Variants in SNAPC3 observed in about 807,000 individuals in gnomAD.
SNAPC3 encodes the protein snRNA-activating protein complex subunit 3.
Under a neutral mutation model 47.7 loss-of-function variants are expected in SNAPC3, and 56 were observed. The ratio of observed to expected loss-of-function variants is 1.18; its 90% confidence interval spans 0.95 to 1.47. The LOEUF (loss-of-function observed/expected upper bound fraction) is 1.47, where lower values mean the gene tolerates loss of function less well. Ranked by LOEUF, SNAPC3 falls within the 40% of genes most tolerant of loss-of-function variation. The probability of loss-of-function intolerance (pLI) is 0.00; values close to 1 mark genes in which losing one functional copy is unlikely to be tolerated. For missense variants in SNAPC3, 665 were observed against 511.3 expected, an observed-to-expected ratio of 1.30 and a Z score of -2.90; for synonymous variants, 235 against 189.9, an observed-to-expected ratio of 1.24 and a Z score of -1.95.
chr9:15,439,779 C>T (rs890099943), intron 3 of SNAPC3, among the ~76,000 whole-genome samples: 1 of 152,188 alleles, frequency 6.6e-6, no homozygotes, highest in African/African-American at 2.4e-5. Flanking sequence ...AGTGATCCAC[C>T]TGCCTCAGTC....
Position 15,459,884 on chromosome 9 carries a change from A to G in SNAPC3, c.*18A>G. 2 of 1,596,894 alleles carry G rather than the reference A, an allele frequency of 1.3e-6. No homozygotes were observed. The highest frequency in any genetic ancestry group is 1.1e-5 in the South Asian group (1 of 88,610). On this transcript the variant is annotated 3_prime_UTR_variant, in exon 9 of 9. Transcript: ENST00000380821. ...TTAATTAAGAATAGCTACACTCACAAAAATACCCCCTCATGAAATAACTGT... is the reference window on the plus strand; with the variant it reads ...TTAATTAAGAATAGCTACACTCACAGAAATACCCCCTCATGAAATAACTGT...
intron 2 of SNAPC3, among the ~76,000 whole-genome samples, chr9:15,430,623 G>A (rs2032016361): frequency 6.6e-6 from 1 of 152,156 alleles, no homozygotes; most frequent in Non-Finnish European, 1.5e-5. Flanking sequence ...GAAAATACAT[G>A]TGTTCAATAC....
chr9:15,433,580 G>A lies in SNAPC3; in HGVS notation c.421G>A (p.Glu141Lys). The stretch of plus-strand genomic sequence containing the variant: ...TAGAAAAAGGTTCTTGGAACATCGG[G>A]AAGAAACCATTACAATAGATCGAGC... ...GVRKRFLEHR[E>K]ETITIDRACR... Residue 141 changes from glutamate to lysine, a missense_variant, in exon 3 of 9, where the codon GAA (glutamate) becomes AAA (lysine). By Grantham distance (56) the Glu-to-Lys change is moderately conservative. Transcript: ENST00000380821. The A allele has an allele frequency of 6.2e-7, 1 of 1,608,204 alleles. No homozygotes were observed. The highest frequency in any genetic ancestry group is 8.5e-7 in the Non-Finnish European group (1 of 1,176,906).
intron 4 of SNAPC3, among the ~76,000 whole-genome samples, chr9:15,446,436 G>C (rs753097889): frequency 6.6e-6 from 1 of 152,128 alleles, no homozygotes; most frequent in Non-Finnish European, 1.5e-5. Context: ...TGAACTTCTA[G>C]GCTCAAGCAA....
chr9:15,430,204 A>G (rs1036174132), intron 2 of SNAPC3, among the ~76,000 whole-genome samples: 37 of 152,298 alleles, frequency 2.4e-4, no homozygotes, highest in African/African-American at 7.9e-4. Context: ...GCCAAGATGG[A>G]AGGATTGCTT....
At chr9:15,464,745 G>A (rs2665515), downstream of SNAPC3, 12,914 of 204,582 alleles carry the variant, frequency 0.063, 588 homozygotes, top group African/African-American at 0.14. Context: ...GCCTATAAAA[G>A]GACCTTAAAT....
intron 3 of SNAPC3, among the ~76,000 whole-genome samples, chr9:15,441,443 A>G (rs1171400002): frequency 9.5e-6 from 1 of 104,970 alleles, no homozygotes; most frequent in East Asian, 3.2e-4. Context: ...TTTCTCGAGG[A>G]GGGGGATTTG....
chr9:15,455,897 C>T (rs1338066936), intron 7 of SNAPC3, among the ~76,000 whole-genome samples: 2 of 151,372 alleles, frequency 1.3e-5, no homozygotes, highest in Non-Finnish European at 2.9e-5. Flanking sequence ...TTTTTGAGAC[C>T]GAGTTTCGCT....
chr9:15,445,670 G>A (rs1346567083), intron 4 of SNAPC3, among the ~76,000 whole-genome samples: 1 of 152,132 alleles, frequency 6.6e-6, no homozygotes, highest in Non-Finnish European at 1.5e-5. Flanking sequence ...ATTGCTGGCT[G>A]GGTGTAATGG....
chr9:15,449,509 T>C (rs2034199708), intron 5 of SNAPC3, among the ~76,000 whole-genome samples: 1 of 147,250 alleles, frequency 6.8e-6, no homozygotes, highest in South Asian at 2.1e-4. Flanking sequence ...TCTCCTGTTA[T>C]ATTGTTTCTG....
chr9:15,423,417 C>T (rs1287890152), intron 1 of SNAPC3, among the ~76,000 whole-genome samples: 2 of 152,198 alleles, frequency 1.3e-5, no homozygotes, highest in African/African-American at 4.8e-5. Flanking sequence ...AGGGACAAGA[C>T]AGCTGCATCA....
chr9:15,463,441 C>G (rs1471450478), downstream of SNAPC3: 2 of 139,422 alleles, frequency 1.4e-5, no homozygotes, highest in Non-Finnish European at 3.0e-5. Context: ...CATACACACA[C>G]ATACCAGCCC....
intron 3 of SNAPC3, among the ~76,000 whole-genome samples, chr9:15,441,654 T>C (rs2033394309): frequency 6.6e-6 from 1 of 152,084 alleles, no homozygotes; most frequent in South Asian, 2.1e-4. Flanking sequence ...TGCACCGCCC[T>C]TAATCCATTT....
At chr9:15,425,386 T>G (rs2031230563) in intron 2 of SNAPC3, among the ~76,000 whole-genome samples, 1 of 152,084 alleles carries the variant, frequency 6.6e-6, no homozygotes, top group African/African-American at 2.4e-5. Flanking sequence ...GCTGCCTAAC[T>G]TTTTTGCATT....
At chr9:15,466,411 C>G (rs1169521868), downstream of SNAPC3, among the ~76,000 whole-genome samples, 1 of 152,140 alleles carries the variant, frequency 6.6e-6, no homozygotes, top group South Asian at 2.1e-4. Context: ...AACTGTGATT[C>G]TCCATCTAAC....
rs373000022 is a variant in SNAPC3, at chr9:15,427,395, T to C, written c.392+3409T>C. Among the ~76,000 whole-genome samples the C allele has an allele frequency of 4.6e-5, 7 of 152,350 alleles. No individual in the cohort carries two copies. In the South Asian group the frequency reaches 6.2e-4, roughly 14 times the overall value. ...AGTCTCACTCACTCTGTTGCCCAGGTTAGAGTGCAGTGGCTCAATCTCTCC... is the reference window on the plus strand; with the variant it reads ...AGTCTCACTCACTCTGTTGCCCAGGCTAGAGTGCAGTGGCTCAATCTCTCC... On this transcript the variant is annotated intron_variant, in intron 2 of 8. Coordinates refer to ENST00000380821, the MANE Select transcript of SNAPC3 (RefSeq NM_001039697.2).
chr9:15,458,049 G>T lies in SNAPC3; in HGVS notation c.1070G>T (p.Cys357Phe). ...HWLWTRKCFV[C>F]KMYTARWVTN... The stretch of plus-strand genomic sequence containing the variant: ...CTATGGACCAGAAAATGTTTTGTTT[G>T]TAAAATGTATACAGCCAGGTGAGTG... The change falls in exon 8 of 9, where the codon TGT becomes TTT. Residue 357 changes from cysteine (C) to phenylalanine (F), a missense_variant. Physicochemically the swap from Cys to Phe is radical, Grantham distance 205. Transcript: ENST00000380821. 6.4e-7 allele frequency: 1 copy of T among 1,570,002 alleles called. No homozygotes were observed. The highest frequency in any genetic ancestry group is 8.6e-7 in the Non-Finnish European group (1 of 1,158,814).
intron 7 of SNAPC3, 190 bp downstream of exon 7, chr9:15,453,395 T>C: frequency 2.1e-6 from 1 of 480,832 alleles, no homozygotes; most frequent in Admixed American, 3.8e-5. Context: ...GCATCCTCTA[T>C]TGTTCATTAT....
intron 3 of SNAPC3, among the ~76,000 whole-genome samples, chr9:15,437,737 G>T (rs755126223): frequency 6.6e-6 from 1 of 151,310 alleles, no homozygotes; most frequent in Non-Finnish European, 1.5e-5. Context: ...CTTGGTTGTG[G>T]GATTCAATAA....
Sources: gnomAD v4.1 joint callset for allele counts (sites outside exome capture counted in the v4.1 genomes callset) on GRCh38, gnomAD v4.1.1 for gene constraint, MANE v1.5 for transcripts, NCBI Gene and HGNC (gene_info 2026-07-23, HGNC 2026-07-21) for gene names.